The following LRRC69 variants were observed in gnomAD, a reference collection of about 807,000 sequenced individuals.
The protein encoded by LRRC69 is leucine-rich repeat-containing protein 69.
A neutral mutation model predicts 37.8 loss-of-function variants in LRRC69; 42 were observed. The ratio of observed to expected loss-of-function variants is 1.11; its 90% CI spans 0.87 to 1.44. The LOEUF (loss-of-function observed/expected upper bound fraction) is 1.44, where lower values mean the gene tolerates loss of function less well. Among genes scored for constraint, LRRC69 ranks in the 40% most tolerant of loss-of-function variants. The pLI, the probability that LRRC69 is intolerant of heterozygous loss-of-function variation, is 0.00. For synonymous variants in LRRC69, 141 were observed against 143.1 expected (o/e 0.99, Z 0.11); for missense variants, 357 against 401.9 (o/e 0.89, Z 0.96).
At chr8:91,127,839 G>A (rs913448072) in intron 3 of LRRC69, among the ~76,000 whole-genome samples, 1 of 151,918 alleles carries the variant, frequency 6.6e-6, no homozygotes, top group Non-Finnish European at 1.5e-5. Flanking sequence ...AGCATCCAGG[G>A]TTTTAAAAGA....
chr8:91,102,742 A>C (rs1024267733), exon 1 of LRRC69: 2 of 1,551,936 alleles, frequency 1.3e-6, no homozygotes, highest in Non-Finnish European at 1.7e-6. Context: ...AGAAGATGAC[A>C]AAGATGCCCT....
At chr8:91,140,112 A>T (rs901247472) in intron 5 of LRRC69, among the ~76,000 whole-genome samples, 3 of 141,516 alleles carry the variant, frequency 2.1e-5, no homozygotes, top group African/African-American at 8.0e-5. Context: ...AAAAAAAAAA[A>T]GTACTATCCA....
At chr8:91,176,134 A>ATATTTTTTTTTTTTTTTTTTTTTTT in intron 5 of LRRC69, among the ~76,000 whole-genome samples, 1 of 75,710 alleles carries the variant, frequency 1.3e-5, no homozygotes, top group Non-Finnish European at 2.4e-5. Context: ...ATATATATAT[A>ATATTTTTTTTTTTTTTTTTTTTTTT]TTTTTTTTTT....
chr8:91,113,690 C>T (rs1481699169), intron 1 of LRRC69, among the ~76,000 whole-genome samples: 1 of 151,534 alleles, frequency 6.6e-6, no homozygotes, highest in East Asian at 1.9e-4. Flanking sequence ...ACAAAAGCAA[C>T]AATAGCAAAA....
intron 1 of LRRC69, among the ~76,000 whole-genome samples, chr8:91,122,167 T>A (rs566055606): frequency 6.6e-6 from 1 of 152,220 alleles, no homozygotes; most frequent in South Asian, 2.1e-4. Context: ...TGTGGGACAT[T>A]ACAAGCTGTT....
At chr8:91,102,957 A>G (rs1162568091) in intron 1 of LRRC69, 113 bp downstream of exon 1, 6 of 1,011,018 alleles carry the variant, frequency 5.9e-6, no homozygotes, top group Admixed American at 3.1e-5. Flanking sequence ...AGACTTAGGT[A>G]TCTGGAGACT....
chr8:91,167,430 C>G (rs906204010), intron 5 of LRRC69, among the ~76,000 whole-genome samples: 2 of 151,380 alleles, frequency 1.3e-5, no homozygotes, highest in African/African-American at 4.8e-5. Context: ...TCCACTGGCT[C>G]CCTCCGACAA....
intron 1 of LRRC69, among the ~76,000 whole-genome samples, chr8:91,122,683 G>A (rs1267996819): frequency 2.0e-5 from 3 of 151,888 alleles, no homozygotes; most frequent in African/African-American, 7.2e-5. Context: ...TGCGTATCTC[G>A]CCAGTCCTCA....
chr8:91,198,189 G>A (rs1809651404), intron 6 of LRRC69, among the ~76,000 whole-genome samples: 1 of 152,106 alleles, frequency 6.6e-6, no homozygotes, highest in African/African-American at 2.4e-5. Context: ...AAAAATATTA[G>A]CGGGAATATA....
intron 7 of LRRC69, among the ~76,000 whole-genome samples, chr8:91,202,242 C>T (rs939996723): frequency 4.6e-5 from 7 of 151,836 alleles, no homozygotes; most frequent in Non-Finnish European, 5.9e-5. Context: ...ACACAACAAA[C>T]AAACAAACAA....
intron 5 of LRRC69, chr8:91,139,141 T>G (rs1470436924): frequency 1.3e-5 from 2 of 151,968 alleles, no homozygotes; most frequent in South Asian, 4.1e-4. Context: ...ACCTCTTTTT[T>G]CCTTTCTTTT....
intron 1 of LRRC69, among the ~76,000 whole-genome samples, chr8:91,117,273 A>G (rs557140705): frequency 1.9e-4 from 29 of 152,164 alleles, no homozygotes; most frequent in African/African-American, 5.1e-4. Flanking sequence ...ATCTTTTGCT[A>G]TGTAATGCTA....
intron 6 of LRRC69, among the ~76,000 whole-genome samples, chr8:91,193,436 G>A (rs1174105213): frequency 2.1e-5 from 3 of 139,894 alleles, no homozygotes; most frequent in Non-Finnish European, 4.6e-5. Context: ...AATTACCTTG[G>A]GTAGTATGGC....
intron 5 of LRRC69, among the ~76,000 whole-genome samples, chr8:91,139,678 C>G (rs530343885): frequency 2.6e-4 from 39 of 151,940 alleles, no homozygotes; most frequent in African/African-American, 8.9e-4. Context: ...AGTTTCCGTT[C>G]CAGGACCTCT....
At chr8:91,129,223 GA>G (rs1219334909) in intron 3 of LRRC69, among the ~76,000 whole-genome samples, 1 of 151,842 alleles carries the variant, frequency 6.6e-6, no homozygotes, top group African/African-American at 2.4e-5. Context: ...CTGGAAGACA[GA>G]GAGAGAGAGC....
At chr8:91,110,949 A>G (rs1174639132) in intron 1 of LRRC69, among the ~76,000 whole-genome samples, 4 of 152,090 alleles carry the variant, frequency 2.6e-5, no homozygotes, top group Non-Finnish European at 4.4e-5. Flanking sequence ...GATTTTGAAA[A>G]TAAAAACTGA....
At chr8:91,146,574 C>T (rs771769912) in intron 5 of LRRC69, among the ~76,000 whole-genome samples, 4 of 151,564 alleles carry the variant, frequency 2.6e-5, no homozygotes, top group South Asian at 2.1e-4. Flanking sequence ...CTATGGAGTT[C>T]GGGGTTTTTG....
At chr8:91,154,509 T>A (rs1224335494) in intron 5 of LRRC69, among the ~76,000 whole-genome samples, 1 of 151,796 alleles carries the variant, frequency 6.6e-6, no homozygotes, top group African/African-American at 2.4e-5. Flanking sequence ...CAACAGCACA[T>A]CACAAAGTTT....
At chr8:91,140,863 C>T (rs1462950376) in intron 5 of LRRC69, among the ~76,000 whole-genome samples, 1 of 21,670 alleles carries the variant, frequency 4.6e-5, no homozygotes, top group Non-Finnish European at 1.1e-4. Flanking sequence ...CCGTTTTAGC[C>T]GGGATGGTCT....
Sources: allele counts gnomAD v4.1 joint callset (sites outside exome capture counted in the v4.1 genomes callset), GRCh38; gene constraint gnomAD v4.1.1; transcripts MANE v1.5; gene names NCBI Gene and HGNC (gene_info 2026-07-23, HGNC 2026-07-21).